WDR3: variants seen among roughly 807,000 people sequenced by gnomAD.
WDR3 encodes the protein WD repeat domain 3.
A neutral mutation model predicts 123.7 loss-of-function variants in WDR3; 81 were observed. The observed-to-expected ratio is 0.65, with a 90% CI of 0.55 to 0.79. The LOEUF is 0.79. Among genes scored for constraint, WDR3 ranks in the 30% least tolerant of loss-of-function variants. The probability of loss-of-function intolerance (pLI) is 0.00; values close to 1 mark genes in which losing one functional copy is unlikely to be tolerated. For synonymous variants in WDR3, 390 were observed against 388.8 expected, an observed-to-expected ratio of 1.00 and a Z score of -0.04; for missense variants, 1,027 against 1,123.2, an observed-to-expected ratio of 0.91 and a Z score of 1.22.
intron 19 of WDR3, 135 bp downstream of exon 19, chr1:117,952,797 C>T (rs1282633784): frequency 7.0e-7 from 1 of 1,423,798 alleles, no homozygotes; most frequent in Non-Finnish European, 9.6e-7. Flanking sequence ...TTTTCAAGAC[C>T]ATTGTCACCC....
At chr1:117,933,773 G>A (rs921743108) in intron 2 of WDR3, 5 of 391,428 alleles carry the variant, frequency 1.3e-5, no homozygotes, top group Middle Eastern at 5.3e-4. Context: ...TATTCCTGAT[G>A]TATTTTTTCT....
rs1039949845 is a variant in WDR3, at chr1:117,941,197, A to G, written c.863A>G (p.Asp288Gly). 14 of 1,614,068 alleles carry G rather than the reference A, an allele frequency of 8.7e-6. No individual in the cohort carries two copies. The highest frequency in any genetic ancestry group is 1.1e-5 in the Non-Finnish European group (13 of 1,180,026). The change falls in exon 8 of 27, where the codon GAC (aspartate) becomes GGC (glycine). Residue 288 changes from aspartate (D) to glycine (G), a missense_variant. Asp to Gly is a moderately conservative substitution (Grantham distance 94). Coordinates refer to ENST00000349139, the MANE Select transcript of WDR3 (RefSeq NM_006784.3). Reference protein sequence around the residue: ...GRDRVVNLAVDKTGRILACHG... With the variant: ...GRDRVVNLAVGKTGRILACHG... ...GACAGAGTTGTAAACCTTGCAGTCG[A>G]CAAGACAGGCAGGATTCTTGCTTGC...
At chr1:117,954,455 G>A in intron 22 of WDR3, 125 bp from the exon 23 acceptor site, 1 of 872,266 alleles carries the variant, frequency 1.1e-6, no homozygotes, top group Non-Finnish European at 1.8e-6. Context: ...TTTACACTCT[G>A]TCAGTTTTTT....
intron 17 of WDR3, 89 bp downstream of exon 17, chr1:117,952,165 C>A: frequency 6.7e-7 from 1 of 1,495,048 alleles, no homozygotes; most frequent in Non-Finnish European, 9.2e-7. Flanking sequence ...TCAGTGTTCT[C>A]AGGCAGTGAT....
At position 117,961,402 on chromosome 1, in the gene WDR3, A is replaced by G. The variant is rs574311468; in HGVS notation, c.*1955A>G. On this transcript the variant is annotated 3_prime_UTR_variant, in exon 27 of 27. Coordinates refer to ENST00000349139, the MANE Select transcript of WDR3 (RefSeq NM_006784.3). ...TAAGGATTTGGGGAATGTTCTAGGAAAAGATATTGACAGATACCTCTGGGT... is the reference window on the plus strand; with the variant it reads ...TAAGGATTTGGGGAATGTTCTAGGAGAAGATATTGACAGATACCTCTGGGT... 6.6e-6 allele frequency: 1 copy of G among 152,324 alleles called. No homozygotes were observed. Among genetic ancestry groups the G allele is most frequent in the East Asian group, 1.9e-4 (1 of 5,190 alleles). 9.4% of individuals were successfully genotyped at this position (152,324 alleles called of 1,614,324 possible). A position where few individuals can be genotyped will look rare whatever the true frequency, so the allele number is the denominator to read the frequency against.
At position 117,950,140 on chromosome 1, in the gene WDR3, T is replaced by C. The variant is rs755053016; in HGVS notation, c.1746+10T>C. On this transcript the variant is annotated intron_variant, in intron 15 of 26. Transcript: ENST00000349139. Reference sequence around the variant, plus strand: ...CGTTGATACTTTAAAGGTACAGTGGTTATGCCTGCGGATATTTTCCCTTTC... The same window carrying C: ...CGTTGATACTTTAAAGGTACAGTGGCTATGCCTGCGGATATTTTCCCTTTC... 1.5e-5 allele frequency: 24 copies of C among 1,611,876 alleles called. No individual in the cohort carries two copies. Among genetic ancestry groups the C allele is most frequent in the Non-Finnish European group, 1.8e-5 (21 of 1,179,072 alleles).
In WDR3 at chr1:117,949,782, C is replaced by G; in HGVS notation, c.1556C>G (p.Ser519Cys). Residue 519 changes from serine (S) to cysteine (C), a missense_variant, in exon 14 of 27, where the codon TCT becomes TGT. Ser to Cys is a moderately radical substitution (Grantham distance 112). Transcript: ENST00000349139. ...TTTGTGACAGGTGGTGCAGATAAAT[C>G]TGTCAAATTCTGGGATTTTGAGTTA... ...RGFVTGGADK[S>C]VKFWDFELVK... is the part of the protein sequence containing the mutation. 1 of 1,613,770 alleles carries G rather than the reference C, an allele frequency of 6.2e-7. No homozygotes were observed. Among genetic ancestry groups the G allele is most frequent in the South Asian group, 1.1e-5 (1 of 91,064 alleles).
At chr1:117,940,797 A>G (rs1651120324) in intron 6 of WDR3, 30 bp from the exon 7 acceptor site, 1 of 1,560,350 alleles carries the variant, frequency 6.4e-7, no homozygotes. Context: ...ATACTATTTC[A>G]GCTTTTATTT....
chr1:117,950,070 G>A lies in WDR3; in HGVS notation c.1686G>A (p.Lys562=), dbSNP rs1651554853. The A allele has an allele frequency of 1.9e-6, 3 of 1,613,754 alleles. No homozygotes were observed. The highest frequency in any genetic ancestry group is 4.5e-5 in the East Asian group (2 of 44,870). Residue 562 remains lysine (K), a synonymous_variant, in exon 15 of 27, where the codon AAG becomes AAA. Transcript: ENST00000349139. ...GTGTCAGTTACTCTCCCAATCAAAA[G>A]CTATTGGCTGTGTCTTTGCTGGACT... The part of the protein sequence containing the change: ...VLCVSYSPNQ[K]LLAVSLLDCT...
rs769852390 is a variant in WDR3 at position 117,952,055 on chromosome 1, C to T, written c.1883C>T (p.Ser628Phe). The T allele has an allele frequency of 3.7e-6, 6 of 1,613,226 alleles. No individual in the cohort carries two copies. The South Asian group carries it at 6.6e-5, about 18-fold the overall frequency. ...WGLDFGDCHK[S>F]LFAHDDSVMY... The stretch of plus-strand genomic sequence containing the variant: ...TTGGACTTTGGGGACTGCCACAAGT[C>T]TCTCTTTGCACATGATGACAGGTAT... Residue 628 changes from serine to phenylalanine, a missense_variant, in exon 17 of 27, where the codon TCT becomes TTT. By Grantham distance (155) the Ser-to-Phe change is radical. Coordinates refer to ENST00000349139, the MANE Select transcript of WDR3 (RefSeq NM_006784.3).
Position 117,950,135 on chromosome 1 carries a change from A to G in WDR3, c.1746+5A>G. 2 of 1,613,602 alleles carry G rather than the reference A, an allele frequency of 1.2e-6. No homozygotes were observed. Among genetic ancestry groups the G allele is most frequent in the Non-Finnish European group, 8.5e-7 (1 of 1,179,764 alleles). On this transcript the variant is annotated splice_donor_5th_base_variant and intron_variant, in intron 15 of 26. Transcript: ENST00000349139. The stretch of plus-strand genomic sequence containing the variant: ...TTCTACGTTGATACTTTAAAGGTAC[A>G]GTGGTTATGCCTGCGGATATTTTCC...
intron 15 of WDR3, 67 bp downstream of exon 15, chr1:117,950,197 G>T (rs1651559138): frequency 1.9e-6 from 3 of 1,591,578 alleles, no homozygotes; most frequent in Middle Eastern, 1.7e-4. Flanking sequence ...TTGGGTTGAG[G>T]CTATAAAGAA....
intron 5 of WDR3, 72 bp from the exon 6 acceptor site, chr1:117,939,403 CTT>C: frequency 1.3e-6 from 2 of 1,488,404 alleles, no homozygotes; most frequent in Non-Finnish European, 1.9e-6. Flanking sequence ...GTGTAACAGA[CTT>C]TTGGAATGTC....
chr1:117,951,917 T>C, intron 16 of WDR3, 59 bp from the exon 17 acceptor site: 1 of 1,486,452 alleles, frequency 6.7e-7, no homozygotes, highest in Admixed American at 2.0e-5. Context: ...TCTGGTTAGC[T>C]TTTTATTCAT....
chr1:117,963,954 AG>A lies in WDR3; in HGVS notation c.*4510del. ...GTTAAAACAGGTAAAATACTTGTTA[AG>A]GGCTGTGCTTTTCATGACTAAATTA... On this transcript the variant is annotated 3_prime_UTR_variant, in exon 27 of 27. Transcript: ENST00000349139. The A allele has an allele frequency of 1.2e-6, 2 of 1,603,158 alleles. No individual in the cohort carries two copies. Among genetic ancestry groups the A allele is most frequent in the Non-Finnish European group, 1.7e-6 (2 of 1,174,618 alleles).
intron 6 of WDR3, 78 bp from the exon 7 acceptor site, chr1:117,940,749 C>T (rs1211846096): frequency 2.3e-6 from 3 of 1,293,852 alleles, no homozygotes; most frequent in South Asian, 2.9e-5. Flanking sequence ...ACAACAACAA[C>T]AAAACAACAA....
chr1:117,952,994 G>C lies in WDR3; in HGVS notation c.2200G>C (p.Ala734Pro). Residue 734 changes from alanine to proline, a missense_variant and splice_region_variant, in exon 20 of 27, where the codon GCA (alanine) becomes CCA (proline). Ala to Pro is a conservative substitution (Grantham distance 27). Transcript: ENST00000349139. ...GAGTGTGGCCAAAGAAGACCAACCA[G>C]CAGTAAGTAAATTTTGGGGACCTTG... is the stretch of plus-strand genomic sequence containing the variant. ...EESVAKEDQPAVPGETQGDSY... is the reference protein window; with the variant it reads ...EESVAKEDQPPVPGETQGDSY... The C allele has an allele frequency of 6.2e-7, 1 of 1,613,026 alleles. No homozygotes were observed. Among genetic ancestry groups the C allele is most frequent in the Middle Eastern group, 1.7e-4 (1 of 6,056 alleles).
chr1:117,951,508 C>CTTTTTTTTTT (rs60053262), intron 16 of WDR3, among the ~76,000 whole-genome samples: 5 of 128,792 alleles, frequency 3.9e-5, no homozygotes, highest in Non-Finnish European at 6.9e-5. Flanking sequence ...AAATGTATTT[C>CTTTTTTTTTT]TTTTTTTTTT....
intron 26 of WDR3, 141 bp downstream of exon 26, chr1:117,959,144 A>G: frequency 7.6e-7 from 1 of 1,312,512 alleles, no homozygotes; most frequent in African/African-American, 1.5e-5. Flanking sequence ...TAGAATTAGT[A>G]GGAATAGAAA....
Sources: allele counts gnomAD v4.1 joint callset (sites outside exome capture counted in the v4.1 genomes callset), GRCh38; gene constraint gnomAD v4.1.1; transcripts MANE v1.5; gene names NCBI Gene and HGNC (gene_info 2026-07-23, HGNC 2026-07-21).